ZBTB43: variants seen among roughly 807,000 people sequenced by gnomAD.
ZBTB43 encodes the protein zinc finger and BTB domain-containing protein 43.
A neutral mutation model predicts 31.1 loss-of-function variants in ZBTB43; 6 were observed. The observed-to-expected ratio is 0.19, with a 90% confidence interval of 0.11 to 0.38. The LOEUF (loss-of-function observed/expected upper bound fraction) is 0.38, where lower values mean the gene tolerates loss of function less well. ZBTB43 is among the 10% of genes least tolerant of loss of function. The pLI is 1.00. For synonymous variants in ZBTB43, 212 were observed against 221.7 expected (o/e 0.96, Z 0.39); for missense variants, 379 against 602.1 (o/e 0.63, Z 3.88).
chr9:126,805,748 T>A (rs1183305577), intron 1 of ZBTB43, among the ~76,000 whole-genome samples: 1 of 152,260 alleles, frequency 6.6e-6, no homozygotes, highest in Non-Finnish European at 1.5e-5. Flanking sequence ...ACCCTGTCTC[T>A]GCCACTCAGC....
chr9:126,826,802 A>G (rs2119155200), intron 2 of ZBTB43, among the ~76,000 whole-genome samples: 1 of 152,154 alleles, frequency 6.6e-6, no homozygotes, highest in South Asian at 2.1e-4. Flanking sequence ...CCTTATTGAC[A>G]TCGTTGTCCT....
intron 2 of ZBTB43, among the ~76,000 whole-genome samples, chr9:126,823,681 C>T (rs1389008434): frequency 6.6e-6 from 1 of 152,102 alleles, no homozygotes; most frequent in Non-Finnish European, 1.5e-5. Flanking sequence ...CATTATTGCC[C>T]CCATCCTACT....
rs749795591 is a variant in ZBTB43, at chr9:126,833,413, T to C, written c.904T>C (p.Phe302Leu). Reference sequence around the variant, plus strand: ...CGGGGAGAAGAAAGTGGAAGCTGAGTTTGATGAACAGGCTGATGAAAGCAA... The same window carrying C: ...CGGGGAGAAGAAAGTGGAAGCTGAGCTTGATGAACAGGCTGATGAAAGCAA... ...HIGEKKVEAE[F>L]DEQADESNYD... The change falls in exon 3 of 3, where the codon TTT becomes CTT. Residue 302 changes from phenylalanine to leucine, a missense_variant. By Grantham distance (22) the Phe-to-Leu change is conservative. Coordinates refer to ENST00000373464, the MANE Select transcript of ZBTB43 (RefSeq NM_014007.4). This position sits in a 1 kb window ranked among gnomAD's most constrained non-coding sequence, Gnocchi z 7.9. 6.2e-7 allele frequency: 1 copy of C among 1,613,848 alleles called. No individual in the cohort carries two copies. Among genetic ancestry groups the C allele is most frequent in the South Asian group, 1.1e-5 (1 of 91,058 alleles).
chr9:126,817,508 C>T (rs1210784436), intron 2 of ZBTB43, among the ~76,000 whole-genome samples: 2 of 150,450 alleles, frequency 1.3e-5, no homozygotes, highest in African/African-American at 2.5e-5. Flanking sequence ...CGGAGTCTCG[C>T]TCTGTCACCC....
intron 2 of ZBTB43, among the ~76,000 whole-genome samples, chr9:126,818,044 C>G (rs1410534625): frequency 6.6e-6 from 1 of 151,726 alleles, no homozygotes; most frequent in Non-Finnish European, 1.5e-5. Flanking sequence ...GTCTTCCAAT[C>G]CATAAACAAC....
chr9:126,822,469 A>G (rs1478877563), intron 2 of ZBTB43, among the ~76,000 whole-genome samples: 3 of 152,162 alleles, frequency 2.0e-5, no homozygotes, highest in Non-Finnish European at 2.9e-5. Flanking sequence ...CAGGCCAGGC[A>G]CGGTGGCTCA....
rs1341485821 is a variant in ZBTB43 at position 126,833,787 on chromosome 9, G to A, written c.1278G>A (p.Lys426=). ...ACATGAAAATTCACACAGGCATAAA[G>A]CCGTATGAGTGTAATATCTGTGCAA... ...VGHMKIHTGI[K]PYECNICAKR... is the part of the protein sequence containing the mutation. The change falls in exon 3 of 3, where the codon AAG becomes AAA. Residue 426 remains lysine, a synonymous_variant. Coordinates refer to ENST00000373464, the MANE Select transcript of ZBTB43 (RefSeq NM_014007.4). This position sits in a 1 kb window ranked among gnomAD's most constrained non-coding sequence, Gnocchi z 7.9. 6.2e-7 allele frequency: 1 copy of A among 1,612,008 alleles called. No homozygotes were observed. Among genetic ancestry groups the A allele is most frequent in the Non-Finnish European group, 8.5e-7 (1 of 1,178,200 alleles).
intron 2 of ZBTB43, among the ~76,000 whole-genome samples, chr9:126,830,120 A>G (rs1010664494): frequency 6.6e-6 from 1 of 152,204 alleles, no homozygotes. Context: ...ATCTCAACTT[A>G]ATAAAAACTA....
rs1450401961 is a variant in ZBTB43, at chr9:126,834,851, C to T, written c.*938C>T. ...TATGGTGCTTTACAAAGAGAGTGGT[C>T]CATGACCACACTTAGTGAGAAGGAG... On this transcript the variant is annotated 3_prime_UTR_variant, in exon 3 of 3. Transcript: ENST00000373464. 1 of 166,990 alleles carries T rather than the reference C, an allele frequency of 6.0e-6. No homozygotes were observed. The highest frequency in any genetic ancestry group is 1.5e-5 in the Non-Finnish European group (1 of 68,110). 10.3% of individuals were successfully genotyped at this position (166,990 alleles called of 1,614,324 possible). A position where few individuals can be genotyped will look rare whatever the true frequency, so the allele number is the denominator to read the frequency against.
rs369536989 is a variant in ZBTB43, at chr9:126,828,629, AAATAATAAT to A, written c.-23-3839_-23-3831del. 0.019 allele frequency among the ~76,000 whole-genome samples: 2,706 copies of A among 141,068 alleles called. 316 individuals are homozygous for A. In the East Asian group the frequency reaches 0.34, roughly 17 times the overall value. 92.5% of individuals were successfully genotyped at this position (141,068 alleles called of 152,430 possible). On this transcript the variant is annotated intron_variant, in intron 2 of 2. Transcript: ENST00000373464. The stretch of plus-strand genomic sequence containing the variant: ...GCAACACAGTGAGACCCCCATCTCT[AAATAATAAT>A]AATAATAATAATAATAATTATTATT...
intron 2 of ZBTB43, 111 bp from the exon 3 acceptor site, chr9:126,832,376 A>G (rs978130324): frequency 1.9e-6 from 2 of 1,045,966 alleles, no homozygotes; most frequent in Admixed American, 2.8e-5. Flanking sequence ...AGTGGGGCCC[A>G]TAGGCTAGAG....
At position 126,836,762 on chromosome 9, in the gene ZBTB43, TC is replaced by T. The variant is rs1266148945; in HGVS notation, c.*2850del. 6.0e-6 allele frequency: 1 copy of T among 167,054 alleles called. No homozygotes were observed. The highest frequency in any genetic ancestry group is 1.5e-5 in the Non-Finnish European group (1 of 68,138). The allele number at this position is 167,054 out of a possible 1,614,324, so 10.3% of individuals were successfully genotyped here. A position where few individuals can be genotyped will look rare whatever the true frequency, so the allele number is the denominator to read the frequency against. On this transcript the variant is annotated 3_prime_UTR_variant, in exon 3 of 3. Transcript: ENST00000373464. Reference sequence around the variant, plus strand: ...TTTGAGTCTTAACTGTGGTTTTTCTTCAATCCCCATGGGAAAGGGCTTCAAG... The same window carrying T: ...TTTGAGTCTTAACTGTGGTTTTTCTTAATCCCCATGGGAAAGGGCTTCAAG...
intron 2 of ZBTB43, among the ~76,000 whole-genome samples, chr9:126,811,627 T>C (rs1285837080): frequency 6.6e-6 from 1 of 152,194 alleles, no homozygotes; most frequent in Non-Finnish European, 1.5e-5. Flanking sequence ...CTTTATTTTA[T>C]TTATTTCTAT....
intron 2 of ZBTB43, among the ~76,000 whole-genome samples, chr9:126,823,699 AT>A (rs2032566990): frequency 1.3e-5 from 2 of 151,924 alleles, no homozygotes; most frequent in African/African-American, 4.8e-5. Context: ...ACTTTTTATT[AT>A]TTAGGGGTTT....
At chr9:126,823,778 G>A (rs969697764) in intron 2 of ZBTB43, among the ~76,000 whole-genome samples, 4 of 152,134 alleles carry the variant, frequency 2.6e-5, no homozygotes, top group Admixed American at 1.3e-4. Flanking sequence ...TATTTCCTTA[G>A]TAGTTACTTT....
At chr9:126,828,344 T>C (rs2032689679) in intron 2 of ZBTB43, among the ~76,000 whole-genome samples, 1 of 151,714 alleles carries the variant, frequency 6.6e-6, no homozygotes, top group Non-Finnish European at 1.5e-5. Context: ...CCACCGCGCC[T>C]GGCTAATTTT....
At chr9:126,829,662 T>C (rs1263733304) in intron 2 of ZBTB43, among the ~76,000 whole-genome samples, 2 of 151,254 alleles carry the variant, frequency 1.3e-5, no homozygotes, top group Non-Finnish European at 2.9e-5. Context: ...TGATTTCCTT[T>C]GGGGGAGACT....
At position 126,832,605 on chromosome 9, in the gene ZBTB43, A is replaced by T; in HGVS notation, c.96A>T (p.Leu32Phe). ...KLNQQRQQGQ[L>F]CDVSIVVQGH... ...ACCAGCAGCGCCAGCAAGGACAATT[A>T]TGTGACGTCTCCATTGTTGTCCAAG... Residue 32 changes from leucine (L) to phenylalanine (F), a missense_variant, in exon 3 of 3, where the codon TTA becomes TTT. Physicochemically the swap from Leu to Phe is conservative, Grantham distance 22. Coordinates refer to ENST00000373464, the MANE Select transcript of ZBTB43 (RefSeq NM_014007.4). 1.2e-6 allele frequency: 2 copies of T among 1,614,178 alleles called. No homozygotes were observed. The highest frequency in any genetic ancestry group is 1.7e-6 in the Non-Finnish European group (2 of 1,180,040).
chr9:126,814,305 G>GCTGAA (rs2032317525), intron 2 of ZBTB43, among the ~76,000 whole-genome samples: 1 of 151,664 alleles, frequency 6.6e-6, no homozygotes, highest in African/African-American at 2.4e-5. Flanking sequence ...AATTTTTACA[G>GCTGAA]ATGAAATTTA....
Sources: gnomAD v4.1 joint callset for allele counts (sites outside exome capture counted in the v4.1 genomes callset) on GRCh38, gnomAD v4.1.1 for gene constraint, Gnocchi (gnomAD v3.1) non-coding constraint, MANE v1.5 for transcripts, NCBI Gene and HGNC (gene_info 2026-07-23, HGNC 2026-07-21) for gene names.